Variants in CDH7 observed in about 807,000 individuals in gnomAD.
CDH7 encodes the protein cadherin-7.
Under a neutral mutation model 71.8 loss-of-function variants are expected in CDH7, and 25 were observed. That is an observed-to-expected ratio of 0.35 (90% CI 0.25 to 0.49). The LOEUF (loss-of-function observed/expected upper bound fraction) is 0.49. CDH7 is among the 20% of genes least tolerant of loss of function. The probability of loss-of-function intolerance (pLI) is 0.99; values close to 1 mark genes in which losing one functional copy is unlikely to be tolerated. For synonymous variants in CDH7, 381 were observed against 363.8 expected, an observed-to-expected ratio of 1.05 and a Z score of -0.54; for missense variants, 862 against 974.6, an observed-to-expected ratio of 0.88 and a Z score of 1.54.
At chr18:65,867,239 G>T (rs539109534) in intron 11 of CDH7, among the ~76,000 whole-genome samples, 6 of 152,092 alleles carry the variant, frequency 3.9e-5, no homozygotes, top group African/African-American at 1.4e-4. Context: ...GTTTCACTGT[G>T]TTAGCCAGGA....
chr18:65,838,195 C>G (rs1912601266), intron 6 of CDH7, among the ~76,000 whole-genome samples: 1 of 152,108 alleles, frequency 6.6e-6, no homozygotes, highest in Non-Finnish European at 1.5e-5. Context: ...GCTGGAATTA[C>G]AGGCATAAGC....
At position 65,884,206 on chromosome 18, in the gene CDH7, T is replaced by C. The variant is rs1914309711; in HGVS notation, c.*3312T>C. 3 of 152,044 alleles carry C rather than the reference T, an allele frequency of 2.0e-5. No individual in the cohort carries two copies. In the South Asian group the frequency reaches 6.2e-4, roughly 32 times the overall value. 9.4% of individuals were successfully genotyped at this position (152,044 alleles called of 1,614,324 possible). Reference sequence around the variant, plus strand: ...TCTTAAGGAAATGGATTTCTGGAGATCAAGCCTAAATTATCAATCTCAATT... The same window carrying C: ...TCTTAAGGAAATGGATTTCTGGAGACCAAGCCTAAATTATCAATCTCAATT... On this transcript the variant is annotated 3_prime_UTR_variant, in exon 12 of 12. Coordinates refer to ENST00000397968, the MANE Select transcript of CDH7 (RefSeq NM_004361.5).
intron 10 of CDH7, among the ~76,000 whole-genome samples, chr18:65,861,324 CGTGTGT>C (rs1214884622): frequency 3.3e-4 from 11 of 33,400 alleles, no homozygotes; most frequent in African/African-American, 1.1e-3. Flanking sequence ...CTCAATTCAC[CGTGTGT>C]GTGTGTGTTT....
At chr18:65,797,860 C>T (rs1910973043) in intron 2 of CDH7, among the ~76,000 whole-genome samples, 1 of 152,110 alleles carries the variant, frequency 6.6e-6, no homozygotes, top group South Asian at 2.1e-4. Flanking sequence ...AGAACATTTA[C>T]CTCAAACTTC....
At chr18:65,814,374 T>A (rs1197317753) in intron 3 of CDH7, 111 bp from the exon 4 acceptor site, 9 of 1,233,302 alleles carry the variant, frequency 7.3e-6, no homozygotes, top group Admixed American at 6.9e-5. Flanking sequence ...TTGAAAAAGA[T>A]AAATGAAAAT....
At chr18:65,761,045 A>G (rs1003305947) in intron 1 of CDH7, among the ~76,000 whole-genome samples, 1 of 152,184 alleles carries the variant, frequency 6.6e-6, no homozygotes, top group Non-Finnish European at 1.5e-5. Context: ...TCTAAATGGA[A>G]TAAATTTATT....
chr18:65,778,277 A>AG (rs1910030192), intron 2 of CDH7, among the ~76,000 whole-genome samples: 1 of 148,508 alleles, frequency 6.7e-6, no homozygotes, highest in Non-Finnish European at 1.5e-5. Flanking sequence ...GTCTCAAAAA[A>AG]AAAAAAAAAA....
At chr18:65,877,034 C>A (rs111291804) in intron 11 of CDH7, among the ~76,000 whole-genome samples, 33 of 152,212 alleles carry the variant, frequency 2.2e-4, no homozygotes, top group African/African-American at 7.5e-4. Context: ...GCAGAGTATT[C>A]TTCTTAATAC....
intron 2 of CDH7, among the ~76,000 whole-genome samples, chr18:65,770,259 T>C (rs1916503928): frequency 6.6e-6 from 1 of 152,186 alleles, no homozygotes; most frequent in South Asian, 2.1e-4. Flanking sequence ...TAGTCCAAAA[T>C]TGCAAGAAAG....
intron 11 of CDH7, chr18:65,866,315 C>CAAAAAAAAAAAAAAAAAAAAA (rs1568228989): frequency 1.5e-3 from 2 of 1,358 alleles, no homozygotes; most frequent in African/African-American, 3.0e-3. Flanking sequence ...AAAAAAAAAA[C>CAAAAAAAAAAAAAAAAAAAAA]AAAAAAAAAA....
Position 65,889,586 on chromosome 18 carries a change from T to A in CDH7, c.*8692T>A, listed in dbSNP as rs1224843452. ...ATAATTCAGGTAATTATCAGAAACA[T>A]GACAAGAAAAAGCTTTGTGTAAAAT... On this transcript the variant is annotated 3_prime_UTR_variant, in exon 12 of 12. Coordinates refer to ENST00000397968, the MANE Select transcript of CDH7 (RefSeq NM_004361.5). 3 of 152,088 alleles carry A rather than the reference T, an allele frequency of 2.0e-5. No individual in the cohort carries two copies. Among genetic ancestry groups the A allele is most frequent in the African/African-American group, 7.2e-5 (3 of 41,400 alleles). 9.4% of individuals were successfully genotyped at this position (152,088 alleles called of 1,614,324 possible).
rs1306154969 is a variant in CDH7, at chr18:65,866,804, T to C, written c.1864+3887T>C. On this transcript the variant is annotated intron_variant, in intron 11 of 11. Transcript: ENST00000397968. ...CTAACTTTATGGATGAACTGCTTTC[T>C]GATTTCTCATTCTTGCTCTCTCTCT... 3.3e-5 allele frequency among the ~76,000 whole-genome samples: 5 copies of C among 152,312 alleles called. No individual in the cohort carries two copies. In the East Asian group the frequency reaches 9.6e-4, roughly 29 times the overall value.
intron 7 of CDH7, among the ~76,000 whole-genome samples, chr18:65,853,110 C>T (rs1016680524): frequency 6.6e-6 from 1 of 152,138 alleles, no homozygotes; most frequent in Non-Finnish European, 1.5e-5. Context: ...AGTGATCTCT[C>T]TAATTGTCCG....
chr18:65,831,564 G>A (rs1568209552), intron 6 of CDH7, among the ~76,000 whole-genome samples: 1 of 152,024 alleles, frequency 6.6e-6, no homozygotes, highest in South Asian at 2.1e-4. Context: ...ACTGTTTGTG[G>A]CCCTAACAAA....
intron 2 of CDH7, among the ~76,000 whole-genome samples, chr18:65,781,891 TC>T: frequency 9.8e-6 from 1 of 102,454 alleles, no homozygotes; most frequent in Non-Finnish European, 1.9e-5. Flanking sequence ...TCTCTCTCTC[TC>T]TTTCTCTCTA....
intron 4 of CDH7, among the ~76,000 whole-genome samples, chr18:65,815,678 G>A (rs1467664097): frequency 6.6e-6 from 1 of 152,114 alleles, no homozygotes; most frequent in Admixed American, 6.6e-5. Context: ...TAGTGATAGG[G>A]CTTGGAAACC....
rs1350294993 is a variant in CDH7, at chr18:65,886,014, G to A, written c.*5120G>A. Reference sequence around the variant, plus strand: ...TAAATGTTACTGGGCTTTGGTGTCAGTGTGGTATACCAGAAATTACCTCTG... The same window carrying A: ...TAAATGTTACTGGGCTTTGGTGTCAATGTGGTATACCAGAAATTACCTCTG... On this transcript the variant is annotated 3_prime_UTR_variant, in exon 12 of 12. Coordinates refer to ENST00000397968, the MANE Select transcript of CDH7 (RefSeq NM_004361.5). 1 of 152,168 alleles carries A rather than the reference G, an allele frequency of 6.6e-6. No individual in the cohort carries two copies. The highest frequency in any genetic ancestry group is 1.5e-5 in the Non-Finnish European group (1 of 68,038). The allele number at this position is 152,168 out of a possible 1,614,324, so 9.4% of individuals were successfully genotyped here. A position where few individuals can be genotyped will look rare whatever the true frequency, so the allele number is the denominator to read the frequency against.
chr18:65,762,841 A>C lies in CDH7; in HGVS notation c.-2A>C. 6.3e-7 allele frequency: 1 copy of C among 1,596,534 alleles called. No homozygotes were observed. Among genetic ancestry groups the C allele is most frequent in the East Asian group, 2.2e-5 (1 of 44,806 alleles). ...CACAGGAAAAAGAAAGAAAAAAAAAAGATGAAGTTGGGCAAAGTGGAGTTC... is the reference window on the plus strand; with the variant it reads ...CACAGGAAAAAGAAAGAAAAAAAAACGATGAAGTTGGGCAAAGTGGAGTTC... On this transcript the variant is annotated 5_prime_UTR_variant, in exon 2 of 12. Transcript: ENST00000397968.
At position 65,770,534 on chromosome 18, in the gene CDH7, A is replaced by G. The variant is rs555798431; in HGVS notation, c.210+7482A>G. 7.9e-5 allele frequency among the ~76,000 whole-genome samples: 12 copies of G among 152,330 alleles called. No individual in the cohort carries two copies. In the South Asian group the frequency reaches 2.5e-3, roughly 32 times the overall value. Reference sequence around the variant, plus strand: ...GGAATTACATTCAATGTTGAAATAAATTAGTAATGGCAGTTTCTTCTAATT... The same window carrying G: ...GGAATTACATTCAATGTTGAAATAAGTTAGTAATGGCAGTTTCTTCTAATT... On this transcript the variant is annotated intron_variant, in intron 2 of 11. Coordinates refer to ENST00000397968, the MANE Select transcript of CDH7 (RefSeq NM_004361.5).
Sources: gnomAD v4.1 joint callset for allele counts (sites outside exome capture counted in the v4.1 genomes callset) on GRCh38, gnomAD v4.1.1 for gene constraint, MANE v1.5 for transcripts, NCBI Gene and HGNC (gene_info 2026-07-23, HGNC 2026-07-21) for gene names.